The following NTM variants were observed in gnomAD, a reference collection of about 807,000 sequenced individuals.
The protein encoded by NTM is IgLON family member 2.
A neutral mutation model predicts 42.1 loss-of-function variants in NTM; 13 were observed. That is an observed-to-expected ratio of 0.31 (90% CI 0.20 to 0.49). NTM has a LOEUF of 0.49. Ranked by LOEUF, NTM falls within the 20% of genes least tolerant of loss-of-function variation. The pLI is 0.99. For synonymous variants in NTM, 187 were observed against 179.2 expected (o/e 1.04, Z -0.35); for missense variants, 373 against 452.8 (o/e 0.82, Z 1.60).
At chr11:132,148,454 C>T (rs2071086325) in intron 3 of NTM, among the ~76,000 whole-genome samples, 1 of 151,998 alleles carries the variant, frequency 6.6e-6, no homozygotes, top group Admixed American at 6.6e-5. Context: ...CTGTCCTGCC[C>T]CAACCCCTGC....
intron 2 of NTM, among the ~76,000 whole-genome samples, chr11:131,957,687 T>C (rs1285515817): frequency 6.6e-6 from 1 of 152,178 alleles, no homozygotes; most frequent in Non-Finnish European, 1.5e-5. Context: ...ATGTCCACTG[T>C]TTTTATATCT....
Position 131,832,343 on chromosome 11 carries a change from C to G in NTM, c.83-79221C>G, listed in dbSNP as rs138322181. On this transcript the variant is annotated intron_variant, in intron 1 of 8. Coordinates refer to ENST00000683400, the MANE Select transcript of NTM (RefSeq NM_001352005.2). ...AGGGGACTGAGCATGTGATGTTTGG[C>G]AAAGCAATCATTACAAAGAAACCTC... 1.1e-3 allele frequency among the ~76,000 whole-genome samples: 166 copies of G among 151,870 alleles called. 2 individuals are homozygous for G. The highest frequency in any genetic ancestry group is 3.8e-3 in the African/African-American group (159 of 41,412).
chr11:131,570,304 A>G (rs1180872381), intron 1 of NTM, among the ~76,000 whole-genome samples: 3 of 152,180 alleles, frequency 2.0e-5, no homozygotes, highest in African/African-American at 7.2e-5. Context: ...GTAAAGCTCT[A>G]ACTGTCCTCT....
intron 2 of NTM, among the ~76,000 whole-genome samples, chr11:132,010,511 A>T (rs2071903615): frequency 6.6e-6 from 1 of 151,960 alleles, no homozygotes; most frequent in African/African-American, 2.4e-5. Flanking sequence ...TGATTTGGTC[A>T]TGTCTCTCCT....
intron 4 of NTM, among the ~76,000 whole-genome samples, chr11:132,262,119 G>A (rs2092898613): frequency 6.6e-6 from 1 of 152,202 alleles, no homozygotes; most frequent in African/African-American, 2.4e-5. Context: ...CATTGTGCCT[G>A]TAGCTGGTGC....
At chr11:131,768,011 G>T (rs888563531) in intron 1 of NTM, among the ~76,000 whole-genome samples, 3 of 151,840 alleles carry the variant, frequency 2.0e-5, no homozygotes, top group Admixed American at 2.0e-4. Context: ...CAGGCTATTT[G>T]AGGAATTCCT....
At chr11:131,506,761 T>C (rs547378019) in intron 1 of NTM, among the ~76,000 whole-genome samples, 1 of 152,288 alleles carries the variant, frequency 6.6e-6, no homozygotes, top group African/African-American at 2.4e-5. Context: ...CTTTTGCAGT[T>C]TGGTTTTCCA....
intron 4 of NTM, among the ~76,000 whole-genome samples, chr11:132,250,818 C>T (rs903920824): frequency 5.3e-5 from 8 of 152,072 alleles, no homozygotes; most frequent in African/African-American, 1.9e-4. Flanking sequence ...ATTTGTTTTA[C>T]AGTCAATGTT....
intron 1 of NTM, among the ~76,000 whole-genome samples, chr11:131,828,722 G>A (rs1458151854): frequency 6.6e-6 from 1 of 152,018 alleles, no homozygotes; most frequent in Non-Finnish European, 1.5e-5. Flanking sequence ...CTCCAAACCA[G>A]GACAAGGCAT....
chr11:131,626,749 C>T lies in NTM; in HGVS notation c.82+255861C>T, dbSNP rs936901556. Among the ~76,000 whole-genome samples the T allele has an allele frequency of 1.5e-4, 23 of 152,360 alleles. 3 individuals are homozygous for T. The highest frequency in any genetic ancestry group is 5.5e-4 in the African/African-American group (23 of 41,590). ...CTACTTATTCTCCATCTGTGACCTG[C>T]AGCTAGACTTCTTCCATGGCCCAGT... is the stretch of plus-strand genomic sequence containing the variant. On this transcript the variant is annotated intron_variant, in intron 1 of 8. Transcript: ENST00000683400.
intron 2 of NTM, among the ~76,000 whole-genome samples, chr11:132,136,959 G>A (rs1467164568): frequency 6.6e-6 from 1 of 152,196 alleles, no homozygotes; most frequent in Non-Finnish European, 1.5e-5. Context: ...TTGGGCATGG[G>A]AGGAGCAAGG....
intron 1 of NTM, among the ~76,000 whole-genome samples, chr11:131,554,001 A>G (rs1015432814): frequency 1.3e-5 from 2 of 152,170 alleles, no homozygotes; most frequent in Admixed American, 6.5e-5. Context: ...TGCCTGGTCA[A>G]TCCCACTCAT....
intron 2 of NTM, among the ~76,000 whole-genome samples, chr11:132,068,646 C>A (rs2056884587): frequency 1.3e-5 from 2 of 152,186 alleles, no homozygotes; most frequent in Admixed American, 1.3e-4. Context: ...TTCCTTGTAG[C>A]AAAATCTGCA....
At chr11:132,293,315 A>G (rs2140028657) in intron 4 of NTM, among the ~76,000 whole-genome samples, 2 of 152,330 alleles carry the variant, frequency 1.3e-5, no homozygotes, top group Middle Eastern at 3.4e-3. Flanking sequence ...CCAACCAACA[A>G]AAAAATATGT....
At chr11:131,972,849 C>G (rs1940028) in intron 2 of NTM, among the ~76,000 whole-genome samples, 29,988 of 152,042 alleles carry the variant, frequency 0.2, 3,602 homozygotes, top group East Asian at 0.46. Context: ...TGATTTTGGG[C>G]CACTGTTGAG....
At chr11:131,862,602 A>G (rs1312339624) in intron 1 of NTM, among the ~76,000 whole-genome samples, 2 of 152,204 alleles carry the variant, frequency 1.3e-5, no homozygotes, top group Non-Finnish European at 2.9e-5. Context: ...TACCATATCT[A>G]AGTCCCTAGT....
intron 2 of NTM, among the ~76,000 whole-genome samples, chr11:132,030,663 T>G (rs6590611): frequency 0.66 from 99,918 of 152,034 alleles, 33,152 homozygotes; most frequent in East Asian, 0.83. Flanking sequence ...AGAGGGAACC[T>G]CATATGCCAA....
chr11:131,883,806 CCCT>C (rs1165005492), intron 1 of NTM, among the ~76,000 whole-genome samples: 1 of 152,110 alleles, frequency 6.6e-6, no homozygotes, highest in East Asian at 1.9e-4. Flanking sequence ...AACTTCACTC[CCCT>C]ACCACCCCCT....
intron 2 of NTM, among the ~76,000 whole-genome samples, chr11:132,062,862 A>C (rs2080888792): frequency 6.6e-6 from 1 of 152,188 alleles, no homozygotes; most frequent in East Asian, 1.9e-4. Context: ...AAAGAAATGG[A>C]AGGCCAGGGT....
Sources: gnomAD v4.1 joint callset for allele counts (sites outside exome capture counted in the v4.1 genomes callset) on GRCh38, gnomAD v4.1.1 for gene constraint, MANE v1.5 for transcripts, NCBI Gene and HGNC (gene_info 2026-07-23, HGNC 2026-07-21) for gene names.